The following CD1C variants were observed in gnomAD, a reference collection of about 807,000 sequenced individuals.
CD1C encodes T-cell surface glycoprotein CD1c.
CD1C carries 47 observed loss-of-function variants against 39.4 expected under a neutral mutation model. The ratio of observed to expected loss-of-function variants is 1.19; its 90% CI spans 0.94 to 1.52. CD1C has a LOEUF of 1.52. Among genes scored for constraint, CD1C ranks in the 40% most tolerant of loss-of-function variants. The probability of loss-of-function intolerance (pLI) is 0.00; values close to 1 mark genes in which losing one functional copy is unlikely to be tolerated. For synonymous variants in CD1C, 165 were observed against 150.8 expected (o/e 1.09, Z -0.69); for missense variants, 417 against 395.2 (o/e 1.06, Z -0.47).
chr1:158,291,068 T>TCTCCATTTTCC (rs1289397640), intron 1 of CD1C, 66 bp from the exon 2 acceptor site: 2 of 1,505,680 alleles, frequency 1.3e-6, no homozygotes, highest in Non-Finnish European at 1.8e-6. Flanking sequence ...TTCCATTTTC[T>TCTCCATTTTCC]CTCCATTTTC....
In CD1C at chr1:158,293,272, T is replaced by C. The variant is rs114356245; in HGVS notation, c.950T>C (p.Ile317Thr). Residue 317 changes from isoleucine to threonine, a missense_variant, in exon 5 of 6, where the codon ATA (isoleucine) becomes ACA (threonine). Ile to Thr is a moderately conservative substitution (Grantham distance 89, BLOSUM62 -1). Coordinates refer to ENST00000368170, the MANE Select transcript of CD1C (RefSeq NM_001765.3). The part of the protein sequence containing the change: ...LVVIVPLVIL[I>T]VLVLWFKKHC... ...GTGATAGTGCCCTTGGTGATTCTAA[T>C]AGTCCTTGTGTTATGGTTTAAGAAG... 3.8e-4 allele frequency: 610 copies of C among 1,614,120 alleles called. 1 individual carries two copies. The highest frequency in any genetic ancestry group is 4.7e-4 in the Non-Finnish European group (549 of 1,179,960).
Position 158,294,054 on chromosome 1 carries a change from AAC to A in CD1C, c.*580_*581del, listed in dbSNP as rs1361218767. Among the ~76,000 whole-genome samples the A allele has an allele frequency of 6.6e-6, 1 of 152,186 alleles. No individual in the cohort carries two copies. Among genetic ancestry groups the A allele is most frequent in the Non-Finnish European group, 1.5e-5 (1 of 68,040 alleles). On this transcript the variant is annotated 3_prime_UTR_variant, in exon 6 of 6. Coordinates refer to ENST00000368170, the MANE Select transcript of CD1C (RefSeq NM_001765.3). The stretch of plus-strand genomic sequence containing the variant: ...CTTTAGCTCCCTCATTTTCTCCTTA[AAC>A]ATTTAAGGAAAAGTGCAGCCTTGTG...
At chr1:158,290,702 G>A (rs939534389) in intron 1 of CD1C, among the ~76,000 whole-genome samples, 2 of 152,144 alleles carry the variant, frequency 1.3e-5, no homozygotes, top group Non-Finnish European at 2.9e-5. Flanking sequence ...TAGATGTAGA[G>A]GGATAAGTTT....
rs1651166073 is a variant in CD1C at position 158,294,590 on chromosome 1, T to C, written c.*1114T>C. Among the ~76,000 whole-genome samples, 1 of 152,246 alleles carries C rather than the reference T, an allele frequency of 6.6e-6. No individual in the cohort carries two copies. The highest frequency in any genetic ancestry group is 2.1e-4 in the South Asian group (1 of 4,830). On this transcript the variant is annotated 3_prime_UTR_variant, in exon 6 of 6. Transcript: ENST00000368170. The stretch of plus-strand genomic sequence containing the variant: ...ACAGTTCTATTTATTTTGATAATTA[T>C]ATAAGCCCATGTAAACAAAATCACA...
At position 158,292,262 on chromosome 1, in the gene CD1C, G is replaced by GT; in HGVS notation, c.508dup (p.Tyr170LeufsTer2). The stretch of plus-strand genomic sequence containing the variant: ...GTGTCTGTCATCTACTCAATCATCA[G>GT]TATGAAGGCGTCACAGAAACAGTGT... On this transcript the variant is annotated frameshift_variant, in exon 3 of 6. Transcript: ENST00000368170. LOFTEE classifies it high-confidence loss of function. 6.2e-7 allele frequency: 1 copy of GT among 1,614,204 alleles called. No individual in the cohort carries two copies. Among genetic ancestry groups the GT allele is most frequent in the Non-Finnish European group, 8.5e-7 (1 of 1,180,034 alleles).
Position 158,291,303 on chromosome 1 carries a change from C to T in CD1C, c.231C>T (p.Ser77=). Residue 77 remains serine, a synonymous_variant, in exon 2 of 6, where the codon AGC becomes AGT. Coordinates refer to ENST00000368170, the MANE Select transcript of CD1C (RefSeq NM_001765.3). The part of the protein sequence containing the change: ...FLHNWSKGNF[S]NEELSDLELL... ...ATAACTGGTCCAAGGGCAACTTCAG[C>T]AATGAAGAGTTGTCAGACCTAGAGT... 6.2e-7 allele frequency: 1 copy of T among 1,614,076 alleles called. No individual in the cohort carries two copies. Among genetic ancestry groups the T allele is most frequent in the Non-Finnish European group, 8.5e-7 (1 of 1,179,972 alleles).
intron 1 of CD1C, among the ~76,000 whole-genome samples, chr1:158,290,455 G>T (rs1650993971): frequency 6.6e-6 from 1 of 152,110 alleles, no homozygotes; most frequent in African/African-American, 2.4e-5. Context: ...GAGGGATGAA[G>T]CAACCTTTCA....
At chr1:158,291,110 TA>T (rs1211124271) in intron 1 of CD1C, 23 bp from the exon 2 acceptor site, 54 of 1,586,430 alleles carry the variant, frequency 3.4e-5, no homozygotes, top group Non-Finnish European at 4.4e-5. Context: ...TTCCTTACAC[TA>T]CTTGCCCTTC....
rs1312881768 is a variant in CD1C at position 158,293,925 on chromosome 1, A to G, written c.*449A>G. Among the ~76,000 whole-genome samples the G allele has an allele frequency of 6.6e-6, 1 of 152,186 alleles. No homozygotes were observed. The highest frequency in any genetic ancestry group is 2.4e-5 in the African/African-American group (1 of 41,450). On this transcript the variant is annotated 3_prime_UTR_variant, in exon 6 of 6. Transcript: ENST00000368170. ...AGTTGGATTAACTGTCATGTTGACA[A>G]TTTTTCTCATTATATTCCTTCCCAA...
At chr1:158,292,539 G>C (rs1651081541) in intron 3 of CD1C, 57 bp from the exon 4 acceptor site, 9 of 1,572,246 alleles carry the variant, frequency 5.7e-6, no homozygotes, top group Admixed American at 5.2e-5. Flanking sequence ...ATGTGTGTAT[G>C]TGGATGTAAG....
chr1:158,291,160 G>A lies in CD1C; in HGVS notation c.88G>A (p.Val30Ile). The change falls in exon 2 of 6, where the codon GTC becomes ATC. Residue 30 changes from valine to isoleucine, a missense_variant. Val to Ile is a conservative substitution (Grantham distance 29). Transcript: ENST00000368170. ...ATCCCAGGAACACGTCTCCTTCCAT[G>A]TCATCCAGATCTTCTCATTTGTCAA... ...DASQEHVSFH[V>I]IQIFSFVNQS... 6.2e-7 allele frequency: 1 copy of A among 1,606,298 alleles called. No homozygotes were observed. Among genetic ancestry groups the A allele is most frequent in the Non-Finnish European group, 8.5e-7 (1 of 1,178,190 alleles).
rs185650264 is a variant in CD1C at position 158,293,240 on chromosome 1, C to T, written c.918C>T (p.Ala306=). Reference sequence around the variant, plus strand: ...ACCACTTTTCCATGAATTGGATTGCCTTGGTAGTGATAGTGCCCTTGGTGA... The same window carrying T: ...ACCACTTTTCCATGAATTGGATTGCTTTGGTAGTGATAGTGCCCTTGGTGA... ...WGHHFSMNWI[A]LVVIVPLVIL... The change falls in exon 5 of 6, where the codon GCC becomes GCT. Residue 306 remains alanine (A), a synonymous_variant. Coordinates refer to ENST00000368170, the MANE Select transcript of CD1C (RefSeq NM_001765.3). 23 of 1,614,038 alleles carry T rather than the reference C, an allele frequency of 1.4e-5. No homozygotes were observed. The East Asian group carries it at 4.7e-4, about 33-fold the overall frequency.
chr1:158,291,085 T>C, intron 1 of CD1C, 49 bp from the exon 2 acceptor site: 1 of 1,557,664 alleles, frequency 6.4e-7, no homozygotes, highest in East Asian at 2.3e-5. Context: ...TTTCCTTGCC[T>C]CTCTTTTTTT....
rs202092481 is a variant in CD1C, at chr1:158,291,199, C to T, written c.127C>T (p.Arg43Ter). 5.1e-4 allele frequency: 819 copies of T among 1,613,786 alleles called. 8 individuals carry two copies. The South Asian group carries it at 7.8e-3, about 15-fold the overall frequency. ...IFSFVNQSWA[R>*]GQGSGWLDEL... Reference sequence around the variant, plus strand: ...CTCATTTGTCAACCAATCCTGGGCACGAGGTCAGGGCTCAGGATGGCTGGA... The same window carrying T: ...CTCATTTGTCAACCAATCCTGGGCATGAGGTCAGGGCTCAGGATGGCTGGA... The change falls in exon 2 of 6, where the codon CGA (arginine) becomes TGA (stop). Residue 43 changes from arginine to a stop codon, truncating the protein, a stop_gained. Coordinates refer to ENST00000368170, the MANE Select transcript of CD1C (RefSeq NM_001765.3). LOFTEE classifies it high-confidence loss of function.
intron 1 of CD1C, 75 bp downstream of exon 1, chr1:158,290,200 A>G: frequency 1.5e-6 from 2 of 1,312,164 alleles, no homozygotes; most frequent in Non-Finnish European, 2.2e-6. Flanking sequence ...AGATGGATCA[A>G]TAGAGATGCC....
In CD1C at chr1:158,292,893, A is replaced by G; in HGVS notation, c.889+19A>G. The G allele has an allele frequency of 6.2e-7, 1 of 1,611,812 alleles. No individual in the cohort carries two copies. The highest frequency in any genetic ancestry group is 8.5e-7 in the Non-Finnish European group (1 of 1,178,426). ...TACTGGGGTAAGACTGGAGGTTGGA[A>G]GTGTAGGTAGGTGGTTCTTGAGCCT... On this transcript the variant is annotated intron_variant, in intron 4 of 5. Coordinates refer to ENST00000368170, the MANE Select transcript of CD1C (RefSeq NM_001765.3).
In CD1C at chr1:158,292,617, C is replaced by G; in HGVS notation, c.632C>G (p.Ser211Cys). The G allele has an allele frequency of 5.0e-6, 8 of 1,612,858 alleles. No individual in the cohort carries two copies. The highest frequency in any genetic ancestry group is 6.8e-6 in the Non-Finnish European group (8 of 1,179,996). Residue 211 changes from serine (S) to cysteine (C), a missense_variant, in exon 4 of 6, where the codon TCC becomes TGC. Ser to Cys is a moderately radical substitution (Grantham distance 112). Transcript: ENST00000368170. ...HRQVRPEAWL[S>C]SRPSLGSGQL... is the part of the protein sequence containing the mutation. ...GCAGTGAGGCCAGAAGCCTGGCTGT[C>G]CAGTCGCCCCAGCCTTGGGTCTGGC... is the stretch of plus-strand genomic sequence containing the variant.
At chr1:158,292,469 G>C in intron 3 of CD1C, 104 bp downstream of exon 3, 2 of 1,482,490 alleles carry the variant, frequency 1.3e-6, no homozygotes, top group Admixed American at 2.0e-5. Flanking sequence ...AGAAGCAGGG[G>C]GGTTGCTGGG....
chr1:158,291,433 T>G, intron 2 of CD1C, 33 bp downstream of exon 2: 1 of 1,602,314 alleles, frequency 6.2e-7, no homozygotes, highest in Non-Finnish European at 8.5e-7. Context: ...TGGGAGTTCT[T>G]TAGAATGTTC....
Sources: allele counts gnomAD v4.1 joint callset (sites outside exome capture counted in the v4.1 genomes callset), GRCh38; gene constraint gnomAD v4.1.1; transcripts MANE v1.5; gene names NCBI Gene and HGNC (gene_info 2026-07-23, HGNC 2026-07-21).